Variants in TEX44 observed in about 807,000 individuals in gnomAD.
The protein encoded by TEX44 is testis-expressed protein 44.
For missense variants in TEX44, 487 were observed against 509.6 expected (o/e 0.96, Z 0.43); for synonymous variants, 196 against 205.9 (o/e 0.95, Z 0.41).
At position 231,594,258 on chromosome 2, in the gene TEX44, A is replaced by G; in HGVS notation, c.*119A>G. ...GACGGTTCCCCCAGCCCATGCAATA[A>G]ATCACCAGTGAGCATTTATTTCTAA... On this transcript the variant is annotated 3_prime_UTR_variant, in exon 1 of 1. Transcript: ENST00000313965. The G allele has an allele frequency of 2.5e-6, 2 of 814,434 alleles. No homozygotes were observed. The highest frequency in any genetic ancestry group is 3.9e-6 in the Non-Finnish European group (2 of 516,834). 50.5% of individuals were successfully genotyped at this position (814,434 alleles called of 1,614,324 possible).
In TEX44 at chr2:231,592,965, G is replaced by A. The variant is rs1275380050; in HGVS notation, c.14G>A (p.Gly5Glu). 6.2e-7 allele frequency: 1 copy of A among 1,613,744 alleles called. No homozygotes were observed. The highest frequency in any genetic ancestry group is 1.1e-5 in the South Asian group (1 of 91,068). The change falls in exon 1 of 1, where the codon GGG becomes GAG. Residue 5 changes from glycine to glutamate, a missense_variant. Gly to Glu is a moderately conservative substitution (Grantham distance 98). Transcript: ENST00000313965. MALPGYPLGNVDDSR... is the reference protein window; with the variant it reads MALPEYPLGNVDDSR... Reference sequence around the variant, plus strand: ...GCAGCCCCATACATGGCACTCCCAGGGTACCCCCTGGGCAACGTGGATGAC... The same window carrying A: ...GCAGCCCCATACATGGCACTCCCAGAGTACCCCCTGGGCAACGTGGATGAC...
Position 231,593,065 on chromosome 2 carries a change from C to T in TEX44, c.114C>T (p.Ser38=), listed in dbSNP as rs1280514265. ...VPLTADVLAV[S]SSVASTDWQD... is the part of the protein sequence containing the mutation. ...TCACAGCAGATGTCTTGGCAGTGAG[C>T]AGCTCTGTCGCATCCACTGACTGGC... Residue 38 remains serine (S), a synonymous_variant, in exon 1 of 1, where the codon AGC becomes AGT. Coordinates refer to ENST00000313965, the MANE Select transcript of TEX44 (RefSeq NM_152614.3). 4.3e-6 allele frequency: 7 copies of T among 1,614,024 alleles called. No individual in the cohort carries two copies. Among genetic ancestry groups the T allele is most frequent in the Non-Finnish European group, 5.9e-6 (7 of 1,180,010 alleles).
chr2:231,593,570 G>A lies in TEX44; in HGVS notation c.619G>A (p.Ala207Thr). 1.9e-6 allele frequency: 3 copies of A among 1,614,004 alleles called. No individual in the cohort carries two copies. The highest frequency in any genetic ancestry group is 2.5e-6 in the Non-Finnish European group (3 of 1,180,042). The change falls in exon 1 of 1, where the codon GCT becomes ACT. Residue 207 changes from alanine to threonine, a missense_variant. Transcript: ENST00000313965. ...GCATCCAAAGGCCCCACACCCTGAA[G>A]CTGAAGCTTTACCATCTGATGAGTC... is the stretch of plus-strand genomic sequence containing the variant. ...AEHPKAPHPEAEALPSDESPV... is the reference protein window; with the variant it reads ...AEHPKAPHPETEALPSDESPV...
Position 231,593,536 on chromosome 2 carries a change from G to A in TEX44, c.585G>A (p.Glu195=), listed in dbSNP as rs779011365. The A allele has an allele frequency of 6.2e-7, 1 of 1,614,100 alleles. No homozygotes were observed. Among genetic ancestry groups the A allele is most frequent in the East Asian group, 2.2e-5 (1 of 44,886 alleles). The change falls in exon 1 of 1, where the codon GAG becomes GAA. Residue 195 remains glutamate, a synonymous_variant. Transcript: ENST00000313965. ...CCAGCACCACCAAGTCTGCTGAGGA[G>A]AAAGCTGAGCATCCAAAGGCCCCAC... ...QAASTTKSAE[E]KAEHPKAPHP...
chr2:231,593,543 G>A lies in TEX44; in HGVS notation c.592G>A (p.Glu198Lys). 1.9e-6 allele frequency: 3 copies of A among 1,614,052 alleles called. No homozygotes were observed. Among genetic ancestry groups the A allele is most frequent in the Non-Finnish European group, 2.5e-6 (3 of 1,180,036 alleles). The change falls in exon 1 of 1, where the codon GAG (glutamate) becomes AAG (lysine). Residue 198 changes from glutamate to lysine, a missense_variant. Physicochemically the swap from Glu to Lys is moderately conservative, Grantham distance 56 (BLOSUM62 1). Transcript: ENST00000313965. ...CACCAAGTCTGCTGAGGAGAAAGCT[G>A]AGCATCCAAAGGCCCCACACCCTGA... ...STTKSAEEKA[E>K]HPKAPHPEAE...
rs200101808 is a variant in TEX44, at chr2:231,593,772, G to A, written c.821G>A (p.Arg274His). 7 of 1,610,664 alleles carry A rather than the reference G, an allele frequency of 4.3e-6. No individual in the cohort carries two copies. The highest frequency in any genetic ancestry group is 1.1e-5 in the South Asian group (1 of 91,040). The change falls in exon 1 of 1, where the codon CGC becomes CAC. Residue 274 changes from arginine to histidine, a missense_variant. Transcript: ENST00000313965. Reference protein sequence around the residue: ...YTASEENSYMRSMTSLLDRGE... With the variant: ...YTASEENSYMHSMTSLLDRGE... Reference sequence around the variant, plus strand: ...GCCAGTGAGGAGAACAGCTACATGCGCTCCATGACCAGCCTGCTGGACAGG... The same window carrying A: ...GCCAGTGAGGAGAACAGCTACATGCACTCCATGACCAGCCTGCTGGACAGG...
In TEX44 at chr2:231,594,208, T is replaced by C. The variant is rs1647596830; in HGVS notation, c.*69T>C. 1 of 1,326,194 alleles carries C rather than the reference T, an allele frequency of 7.5e-7. No individual in the cohort carries two copies. Among genetic ancestry groups the C allele is most frequent in the South Asian group, 1.4e-5 (1 of 73,936 alleles). 82.2% of individuals were successfully genotyped at this position (1,326,194 alleles called of 1,614,324 possible). A position where few individuals can be genotyped will look rare whatever the true frequency, so the allele number is the denominator to read the frequency against. On this transcript the variant is annotated 3_prime_UTR_variant, in exon 1 of 1. Transcript: ENST00000313965. ...AGAGATCCCTGGGACCCTCACGCCC[T>C]GCTCCCTTGCCCATTCTTGCTCTGG...
chr2:231,593,121 C>T lies in TEX44; in HGVS notation c.170C>T (p.Ala57Val), dbSNP rs747151033. ...QDIDQASFKT[A>V]TPRAISTSGD... ...ATAGATCAGGCCTCCTTCAAGACGG[C>T]CACCCCCAGGGCCATATCAACATCT... The change falls in exon 1 of 1, where the codon GCC becomes GTC. Residue 57 changes from alanine (A) to valine (V), a missense_variant. Ala to Val is a moderately conservative substitution (Grantham distance 64, BLOSUM62 0). Coordinates refer to ENST00000313965, the MANE Select transcript of TEX44 (RefSeq NM_152614.3). 2.5e-6 allele frequency: 4 copies of T among 1,614,120 alleles called. No individual in the cohort carries two copies. The highest frequency in any genetic ancestry group is 3.4e-6 in the Non-Finnish European group (4 of 1,180,014).
rs532545452 is a variant in TEX44 at position 231,593,527 on chromosome 2, T to C, written c.576T>C (p.Ser192=). 2.1e-5 allele frequency: 34 copies of C among 1,614,076 alleles called. No homozygotes were observed. The Admixed American group carries it at 2.7e-4, about 13-fold the overall frequency. The change falls in exon 1 of 1, where the codon TCT becomes TCC. Residue 192 remains serine (S), a synonymous_variant. Coordinates refer to ENST00000313965, the MANE Select transcript of TEX44 (RefSeq NM_152614.3). ...CTCAGGCTGCCAGCACCACCAAGTC[T>C]GCTGAGGAGAAAGCTGAGCATCCAA... is the stretch of plus-strand genomic sequence containing the variant. ...HGPQAASTTK[S]AEEKAEHPKA...
In TEX44 at chr2:231,593,769, T is replaced by G; in HGVS notation, c.818T>G (p.Met273Arg). The G allele has an allele frequency of 6.2e-7, 1 of 1,612,016 alleles. No homozygotes were observed. Among genetic ancestry groups the G allele is most frequent in the Non-Finnish European group, 8.5e-7 (1 of 1,179,970 alleles). Residue 273 changes from methionine to arginine, a missense_variant, in exon 1 of 1, where the codon ATG (methionine) becomes AGG (arginine). By Grantham distance (91) the Met-to-Arg change is moderately conservative. Transcript: ENST00000313965. Reference sequence around the variant, plus strand: ...ACGGCCAGTGAGGAGAACAGCTACATGCGCTCCATGACCAGCCTGCTGGAC... The same window carrying G: ...ACGGCCAGTGAGGAGAACAGCTACAGGCGCTCCATGACCAGCCTGCTGGAC... Reference protein sequence around the residue: ...LYTASEENSYMRSMTSLLDRG... With the variant: ...LYTASEENSYRRSMTSLLDRG...
At position 231,593,524 on chromosome 2, in the gene TEX44, G is replaced by A. The variant is rs751387005; in HGVS notation, c.573G>A (p.Lys191=). The change falls in exon 1 of 1, where the codon AAG becomes AAA. Residue 191 remains lysine, a synonymous_variant. Transcript: ENST00000313965. ...GCCCTCAGGCTGCCAGCACCACCAAGTCTGCTGAGGAGAAAGCTGAGCATC... is the reference window on the plus strand; with the variant it reads ...GCCCTCAGGCTGCCAGCACCACCAAATCTGCTGAGGAGAAAGCTGAGCATC... ...QHGPQAASTT[K]SAEEKAEHPK... is the part of the protein sequence containing the mutation. 2 of 1,614,094 alleles carry A rather than the reference G, an allele frequency of 1.2e-6. No individual in the cohort carries two copies. The highest frequency in any genetic ancestry group is 2.2e-5 in the East Asian group (1 of 44,882).
Position 231,593,128 on chromosome 2 carries a change from C to T in TEX44, c.177C>T (p.Pro59=), listed in dbSNP as rs1575312493. ...AGGCCTCCTTCAAGACGGCCACCCCCAGGGCCATATCAACATCTGGAGACA... is the reference window on the plus strand; with the variant it reads ...AGGCCTCCTTCAAGACGGCCACCCCTAGGGCCATATCAACATCTGGAGACA... ...IDQASFKTAT[P]RAISTSGDKD... The change falls in exon 1 of 1, where the codon CCC becomes CCT. Residue 59 remains proline, a synonymous_variant. Coordinates refer to ENST00000313965, the MANE Select transcript of TEX44 (RefSeq NM_152614.3). 2 of 1,614,152 alleles carry T rather than the reference C, an allele frequency of 1.2e-6. No individual in the cohort carries two copies. Among genetic ancestry groups the T allele is most frequent in the East Asian group, 4.5e-5 (2 of 44,882 alleles).
In TEX44 at chr2:231,593,367, G is replaced by C; in HGVS notation, c.416G>C (p.Ser139Thr). 6.2e-7 allele frequency: 1 copy of C among 1,614,190 alleles called. No homozygotes were observed. Among genetic ancestry groups the C allele is most frequent in the Non-Finnish European group, 8.5e-7 (1 of 1,180,042 alleles). ...AAAGACAAGATGTCACAAATGGCGAGTGTTCCTGAGAGAGAGCCGGAGTCA... is the reference window on the plus strand; with the variant it reads ...AAAGACAAGATGTCACAAATGGCGACTGTTCCTGAGAGAGAGCCGGAGTCA... ...LGKDKMSQMA[S>T]VPEREPESAP... Residue 139 changes from serine to threonine, a missense_variant, in exon 1 of 1, where the codon AGT becomes ACT. Ser to Thr is a moderately conservative substitution (Grantham distance 58). Transcript: ENST00000313965.
Position 231,593,953 on chromosome 2 carries a change from G to A in TEX44, c.1002G>A (p.Leu334=), listed in dbSNP as rs1432565016. 3 of 1,609,858 alleles carry A rather than the reference G, an allele frequency of 1.9e-6. No homozygotes were observed. Among genetic ancestry groups the A allele is most frequent in the African/African-American group, 1.3e-5 (1 of 75,062 alleles). The change falls in exon 1 of 1, where the codon CTG becomes CTA. Residue 334 remains leucine, a synonymous_variant. Coordinates refer to ENST00000313965, the MANE Select transcript of TEX44 (RefSeq NM_152614.3). ...SGPSLRSVPS[L]VGSVSSAFSS... ...CCAGCTTGCGCTCGGTCCCCAGCCT[G>A]GTGGGAAGCGTCAGCTCGGCCTTCT...
Position 231,593,192 on chromosome 2 carries a change from A to T in TEX44, c.241A>T (p.Thr81Ser), listed in dbSNP as rs749166885. ...AGTTGTTCCAGAACACGGCCAGAAG[A>T]CACCCAGAAAAATCACACCTCTGCT... ...SAVVPEHGQKTPRKITPLLPS... is the reference protein window; with the variant it reads ...SAVVPEHGQKSPRKITPLLPS... Residue 81 changes from threonine (T) to serine (S), a missense_variant, in exon 1 of 1, where the codon ACA (threonine) becomes TCA (serine). Transcript: ENST00000313965. 1.9e-5 allele frequency: 30 copies of T among 1,614,018 alleles called. No homozygotes were observed. Among genetic ancestry groups the T allele is most frequent in the Non-Finnish European group, 2.3e-5 (27 of 1,180,038 alleles).
chr2:231,593,037 C>T lies in TEX44; in HGVS notation c.86C>T (p.Pro29Leu). Reference sequence around the variant, plus strand: ...GCAGGAGAGCCCCAAGGTCAGGTCCCACTCACAGCAGATGTCTTGGCAGTG... The same window carrying T: ...GCAGGAGAGCCCCAAGGTCAGGTCCTACTCACAGCAGATGTCTTGGCAGTG... ...SPAGEPQGQV[P>L]LTADVLAVSS... Residue 29 changes from proline to leucine, a missense_variant, in exon 1 of 1, where the codon CCA (proline) becomes CTA (leucine). Transcript: ENST00000313965. 1.2e-6 allele frequency: 2 copies of T among 1,614,126 alleles called. No individual in the cohort carries two copies. Among genetic ancestry groups the T allele is most frequent in the Non-Finnish European group, 1.7e-6 (2 of 1,180,008 alleles).
Position 231,593,246 on chromosome 2 carries a change from G to A in TEX44, c.295G>A (p.Val99Met), listed in dbSNP as rs878970239. 1.2e-6 allele frequency: 2 copies of A among 1,614,176 alleles called. No homozygotes were observed. Among genetic ancestry groups the A allele is most frequent in the Non-Finnish European group, 1.7e-6 (2 of 1,180,028 alleles). The part of the protein sequence containing the change: ...LPSQNPSPLQ[V>M]SMSLQNPAWD... The stretch of plus-strand genomic sequence containing the variant: ...CAGCCAAAATCCAAGTCCCCTGCAA[G>A]TGTCTATGAGCCTTCAGAATCCAGC... The change falls in exon 1 of 1, where the codon GTG becomes ATG. Residue 99 changes from valine to methionine, a missense_variant. Val to Met is a conservative substitution (Grantham distance 21). Transcript: ENST00000313965.
chr2:231,594,214 C>T lies in TEX44; in HGVS notation c.*75C>T, dbSNP rs532618040. On this transcript the variant is annotated 3_prime_UTR_variant, in exon 1 of 1. Coordinates refer to ENST00000313965, the MANE Select transcript of TEX44 (RefSeq NM_152614.3). ...CCCTGGGACCCTCACGCCCTGCTCC[C>T]TTGCCCATTCTTGCTCTGGACGGTT... 1 of 1,228,682 alleles carries T rather than the reference C, an allele frequency of 8.1e-7. No homozygotes were observed. The highest frequency in any genetic ancestry group is 1.1e-6 in the Non-Finnish European group (1 of 876,720). 76.1% of individuals were successfully genotyped at this position (1,228,682 alleles called of 1,614,324 possible). A position where few individuals can be genotyped will look rare whatever the true frequency, so the allele number is the denominator to read the frequency against.
rs191302718 is a variant in TEX44, at chr2:231,593,373, C to T, written c.422C>T (p.Pro141Leu). The change falls in exon 1 of 1, where the codon CCT becomes CTT. Residue 141 changes from proline to leucine, a missense_variant. Pro to Leu is a moderately conservative substitution (Grantham distance 98). Coordinates refer to ENST00000313965, the MANE Select transcript of TEX44 (RefSeq NM_152614.3). ...AAGATGTCACAAATGGCGAGTGTTCCTGAGAGAGAGCCGGAGTCAGCCCCC... is the reference window on the plus strand; with the variant it reads ...AAGATGTCACAAATGGCGAGTGTTCTTGAGAGAGAGCCGGAGTCAGCCCCC... ...KDKMSQMASVPEREPESAPSA... is the reference protein window; with the variant it reads ...KDKMSQMASVLEREPESAPSA... 2.5e-6 allele frequency: 4 copies of T among 1,614,110 alleles called. No individual in the cohort carries two copies.
Sources: gnomAD v4.1 joint callset for allele counts on GRCh38, gnomAD v4.1.1 for gene constraint, MANE v1.5 for transcripts, NCBI Gene and HGNC (gene_info 2026-07-23, HGNC 2026-07-21) for gene names.